CALN1: variants seen among roughly 807,000 people sequenced by gnomAD.
CALN1 encodes the protein calcium-binding protein 8.
CALN1 carries 17 observed loss-of-function variants against 30.6 expected under a neutral mutation model. The ratio of observed to expected loss-of-function variants is 0.56; its 90% confidence interval spans 0.38 to 0.83. The LOEUF is 0.83. CALN1 is among the 40% of genes least tolerant of loss of function. The pLI is 0.00. For synonymous variants in CALN1, 156 were observed against 131.4 expected (o/e 1.19, Z -1.28); for missense variants, 291 against 354.9 (o/e 0.82, Z 1.45).
chr7:72,362,769 G>C (rs1201485320), intron 2 of CALN1, among the ~76,000 whole-genome samples: 2 of 152,060 alleles, frequency 1.3e-5, no homozygotes, highest in Non-Finnish European at 2.9e-5. Flanking sequence ...TTTCTTCAAG[G>C]AAGAAATCGT....
intron 5 of CALN1, among the ~76,000 whole-genome samples, chr7:71,979,542 C>T (rs1453183016): frequency 2.0e-5 from 3 of 152,098 alleles, no homozygotes; most frequent in African/African-American, 4.8e-5. Context: ...AGAGCTCAGG[C>T]AGGAATGAGA....
At chr7:72,346,168 T>G (rs1802630958) in intron 2 of CALN1, among the ~76,000 whole-genome samples, 1 of 152,204 alleles carries the variant, frequency 6.6e-6, no homozygotes, top group African/African-American at 2.4e-5. Flanking sequence ...TCCATAATTT[T>G]TAAAGGTCAA....
At chr7:72,102,994 A>G (rs1007781996) in intron 4 of CALN1, among the ~76,000 whole-genome samples, 1 of 147,120 alleles carries the variant, frequency 6.8e-6, no homozygotes, top group African/African-American at 2.5e-5. Context: ...AATTGCTTAA[A>G]CCCGGGAAGC....
At chr7:71,991,329 G>A (rs1306525422) in intron 5 of CALN1, among the ~76,000 whole-genome samples, 1 of 151,886 alleles carries the variant, frequency 6.6e-6, no homozygotes, top group South Asian at 2.1e-4. Flanking sequence ...TGTGGTGGTG[G>A]GTGCCTGTAA....
intron 1 of CALN1, among the ~76,000 whole-genome samples, chr7:72,433,559 C>T (rs748175707): frequency 1.4e-4 from 21 of 152,052 alleles, no homozygotes; most frequent in South Asian, 2.1e-4. Flanking sequence ...ATGGAAACCC[C>T]AAGAGAAACA....
In CALN1 at chr7:71,832,166, G is replaced by T. The variant is rs367792309; in HGVS notation, c.502-21674C>A. On this transcript the variant is annotated intron_variant, in intron 5 of 6. Transcript: ENST00000395275. ...TTTTTTTTGTTCTCATTTAAAGAAT[G>T]TCATGTAGGCTTTTAGGCTTCCCTC... Among the ~76,000 whole-genome samples the T allele has an allele frequency of 1.2e-4, 19 of 152,180 alleles. No individual in the cohort carries two copies. In the East Asian group the frequency reaches 2.5e-3, roughly 20 times the overall value.
intron 3 of CALN1, among the ~76,000 whole-genome samples, chr7:72,114,279 G>GAA: frequency 2.7e-5 from 2 of 73,060 alleles, no homozygotes; most frequent in Non-Finnish European, 5.0e-5. Context: ...GAAGGGAAGG[G>GAA]AAGGGAAGGG....
At chr7:72,100,222 A>G (rs1218170377) in intron 4 of CALN1, among the ~76,000 whole-genome samples, 2 of 151,770 alleles carry the variant, frequency 1.3e-5, no homozygotes, top group Non-Finnish European at 2.9e-5. Context: ...GCAGTGGTAC[A>G]ATCATAGCTT....
intron 4 of CALN1, among the ~76,000 whole-genome samples, chr7:72,093,029 C>A (rs554576903): frequency 6.6e-6 from 1 of 152,052 alleles, no homozygotes; most frequent in Admixed American, 6.6e-5. Context: ...TTTATTGCTG[C>A]AGCATAACTT....
chr7:72,397,530 G>C (rs1167617895), intron 2 of CALN1, among the ~76,000 whole-genome samples: 1 of 152,120 alleles, frequency 6.6e-6, no homozygotes, highest in Non-Finnish European at 1.5e-5. Flanking sequence ...AGGAGTGAAG[G>C]GGTGACTAGA....
At chr7:72,124,158 G>A (rs1425997504) in intron 3 of CALN1, among the ~76,000 whole-genome samples, 2 of 152,196 alleles carry the variant, frequency 1.3e-5, no homozygotes, top group East Asian at 1.9e-4. Context: ...GAGTCCAGGA[G>A]GAAGCTGAGC....
Position 71,916,728 on chromosome 7 carries a change from A to G in CALN1, c.502-106236T>C, listed in dbSNP as rs1794704801. Among the ~76,000 whole-genome samples, 3 of 152,168 alleles carry G rather than the reference A, an allele frequency of 2.0e-5. No homozygotes were observed. In the South Asian group the frequency reaches 6.2e-4, roughly 32 times the overall value. ...TAATGGATGCTGGGATGATCTGTGC[A>G]GCAAACCACCATGGCAGATGTTTAC... On this transcript the variant is annotated intron_variant, in intron 5 of 6. Coordinates refer to ENST00000395275, the MANE Select transcript of CALN1 (RefSeq NM_031468.4).
chr7:71,799,421 TTTTATTTATTTA>T (rs57965086), intron 6 of CALN1, among the ~76,000 whole-genome samples: 15 of 144,646 alleles, frequency 1.0e-4, no homozygotes, highest in South Asian at 7.0e-4. Flanking sequence ...CTCTGGGTCT[TTTTATTTATTTA>T]TTTATTTATT....
At chr7:72,103,196 T>TG (rs1225146467) in intron 4 of CALN1, 1 of 157,004 alleles carries the variant, frequency 6.4e-6, no homozygotes, top group Non-Finnish European at 1.4e-5. Flanking sequence ...CTGGCTGACC[T>TG]GGCAGAACCC....
chr7:72,278,009 G>GC (rs1797455373), intron 3 of CALN1, among the ~76,000 whole-genome samples: 2 of 68,928 alleles, frequency 2.9e-5, no homozygotes, highest in Admixed American at 1.4e-4. Flanking sequence ...CCTCTATTCC[G>GC]GGGGGGGGGG....
intron 4 of CALN1, among the ~76,000 whole-genome samples, chr7:72,049,932 C>T (rs546931706): frequency 1.2e-4 from 18 of 151,286 alleles, no homozygotes; most frequent in African/African-American, 1.9e-4. Context: ...GCCTCAGGCT[C>T]GTGAGTAGCT....
chr7:72,287,268 T>C (rs1798143814), intron 2 of CALN1, among the ~76,000 whole-genome samples: 13 of 152,108 alleles, frequency 8.5e-5, no homozygotes, highest in Admixed American at 8.5e-4. Context: ...CTTTTAAATT[T>C]GTCCAGATTT....
At chr7:72,078,662 G>C (rs6972991) in intron 4 of CALN1, among the ~76,000 whole-genome samples, 3,277 of 152,264 alleles carry the variant, frequency 0.022, 109 homozygotes, top group African/African-American at 0.074. Flanking sequence ...GTCGGGCGCA[G>C]TGGCTTGTGC....
chr7:71,907,008 C>T (rs1168457531), intron 5 of CALN1, among the ~76,000 whole-genome samples: 1 of 152,104 alleles, frequency 6.6e-6, no homozygotes, highest in Non-Finnish European at 1.5e-5. Flanking sequence ...GGGGGCAGGG[C>T]CTGGTGCCAT....
Sources: gnomAD v4.1 joint callset for allele counts (sites outside exome capture counted in the v4.1 genomes callset) on GRCh38, gnomAD v4.1.1 for gene constraint, MANE v1.5 for transcripts, NCBI Gene and HGNC (gene_info 2026-07-23, HGNC 2026-07-21) for gene names.